Variants in TAF1D observed in about 807,000 individuals in gnomAD.
The protein encoded by TAF1D is TATA-box binding protein associated factor, RNA polymerase I subunit D, also known as TATA box-binding protein-associated factor RNA polymerase I subunit D.
A neutral mutation model predicts 26.2 loss-of-function variants in TAF1D; 23 were observed. The observed-to-expected ratio is 0.88, with a 90% CI of 0.63 to 1.25. The LOEUF (loss-of-function observed/expected upper bound fraction) is 1.25. Among genes scored for constraint, TAF1D ranks in the 50% most tolerant of loss-of-function variants. The probability of loss-of-function intolerance (pLI) is 0.00; values close to 1 mark genes in which losing one functional copy is unlikely to be tolerated. For missense variants in TAF1D, 299 were observed against 322.0 expected (o/e 0.93, Z 0.55); for synonymous variants, 100 against 105.6 (o/e 0.95, Z 0.33).
At chr11:93,737,977 A>C in intron 3 of TAF1D, 132 bp downstream of exon 3, 1 of 968,892 alleles carries the variant, frequency 1.0e-6, no homozygotes, top group Non-Finnish European at 1.4e-6. Flanking sequence ...TTTAGGGGTA[A>C]GTCAGTATAG....
rs758330460 is a variant in TAF1D, at chr11:93,738,453, A to T, written c.115T>A (p.Tyr39Asn). The T allele has an allele frequency of 6.2e-7, 1 of 1,602,388 alleles. No individual in the cohort carries two copies. The highest frequency in any genetic ancestry group is 8.5e-7 in the Non-Finnish European group (1 of 1,176,852). Residue 39 changes from tyrosine (Y) to asparagine (N), a missense_variant, in exon 3 of 6, where the codon TAC becomes AAC. Transcript: ENST00000448108. The stretch of plus-strand genomic sequence containing the variant: ...TTTCTTTTCTCCCCTTTAGGTGAGT[A>T]AGGGATACACTGAGTTTTAAATAAG... The part of the protein sequence containing the change: ...SSLFKTQCIP[Y>N]SPKGEKRNPI...
downstream of TAF1D, chr11:93,735,210 C>T (rs529962302): frequency 6.7e-6 from 9 of 1,351,564 alleles, no homozygotes; most frequent in Admixed American, 1.9e-5. Context: ...TCTTTGTCCA[C>T]GTTAAACAAA....
chr11:93,738,628 A>G, intron 2 of TAF1D, 129 bp from the exon 3 acceptor site: 1 of 931,962 alleles, frequency 1.1e-6, no homozygotes, highest in South Asian at 2.0e-5. Context: ...AAAATTTTTT[A>G]AAGGATGGGC....
At chr11:93,731,785 A>ATTTAT (rs1555015118), downstream of TAF1D, 2 of 350,452 alleles carry the variant, frequency 5.7e-6, no homozygotes, top group African/African-American at 4.3e-5. Context: ...TCTTCAACCA[A>ATTTAT]TTTACTTTAG....
Position 93,740,691 on chromosome 11 carries a change from T to C in TAF1D, c.-28+631A>G, listed in dbSNP as rs115268268. Among the ~76,000 whole-genome samples, 762 of 152,192 alleles carry C rather than the reference T, an allele frequency of 5.0e-3. 10 individuals carry two copies. Among genetic ancestry groups the C allele is most frequent in the African/African-American group, 0.017 (702 of 41,494 alleles). On this transcript the variant is annotated intron_variant, in intron 1 of 5. Coordinates refer to ENST00000448108, the MANE Select transcript of TAF1D (RefSeq NM_024116.4). ...TTTTCCTGGTACAAGGTCTTACTAGTTTTTTTAAGTACAAGATTCTACAAA... is the reference window on the plus strand; with the variant it reads ...TTTTCCTGGTACAAGGTCTTACTAGCTTTTTTAAGTACAAGATTCTACAAA...
At chr11:93,734,890 AG>A (rs1239787221), downstream of TAF1D, 204 of 779,200 alleles carry the variant, frequency 2.6e-4, no homozygotes, top group Admixed American at 1.4e-3. Flanking sequence ...CCCCTTTCTG[AG>A]TAACTCCAAC....
intron 1 of TAF1D, among the ~76,000 whole-genome samples, chr11:93,740,743 C>A (rs1328770888): frequency 6.6e-6 from 1 of 152,088 alleles, no homozygotes; most frequent in Non-Finnish European, 1.5e-5. Context: ...TGCTCAAAAA[C>A]GGAATTCAAC....
chr11:93,730,348 T>C (rs1938286248), exon 12 of TAF1D: 1 of 1,073,716 alleles, frequency 9.3e-7, no homozygotes, highest in Non-Finnish European at 1.4e-6. Flanking sequence ...AATAAATTGT[T>C]ATTCGAGGAA....
downstream of TAF1D, chr11:93,730,610 G>A (rs1400188059): frequency 1.7e-6 from 1 of 575,874 alleles, no homozygotes. Flanking sequence ...AAGAGCTCTG[G>A]GTTTCACAGC....
chr11:93,738,594 A>G (rs1941219310), intron 2 of TAF1D, 95 bp from the exon 3 acceptor site: 8 of 1,283,892 alleles, frequency 6.2e-6, no homozygotes, highest in Non-Finnish European at 7.3e-6. Context: ...TCCAAGACCA[A>G]CTCAGAAAAC....
exon 12 of TAF1D, chr11:93,730,350 T>C (rs1253754959): frequency 1.9e-6 from 2 of 1,048,094 alleles, no homozygotes; most frequent in Non-Finnish European, 2.9e-6. Context: ...TAAATTGTTA[T>C]TCGAGGAATT....
Position 93,737,189 on chromosome 11 carries a change from T to C in TAF1D, c.510A>G (p.Glu170=), listed in dbSNP as rs1296308271. 7 of 1,610,134 alleles carry C rather than the reference T, an allele frequency of 4.3e-6. No individual in the cohort carries two copies. The highest frequency in any genetic ancestry group is 5.9e-6 in the Non-Finnish European group (7 of 1,178,518). ...GCTTCAATGATTCTTTCAGGTGGTG[T>C]TCATACTTCAGTTTTTCAATATAGT... ...FFNYIEKLKY[E]HHLKESLKQM... is the part of the protein sequence containing the mutation. The change falls in exon 4 of 6, where the codon GAA becomes GAG. Residue 170 remains glutamate, a synonymous_variant. Coordinates refer to ENST00000448108, the MANE Select transcript of TAF1D (RefSeq NM_024116.4).
chr11:93,734,649 C>G, downstream of TAF1D: 2 of 1,051,976 alleles, frequency 1.9e-6, no homozygotes, highest in South Asian at 2.6e-5. Flanking sequence ...ACCATGTTCT[C>G]AAGATAAAAG....
chr11:93,740,593 A>G (rs1205246838), intron 1 of TAF1D, among the ~76,000 whole-genome samples: 1 of 152,174 alleles, frequency 6.6e-6, no homozygotes, highest in East Asian at 1.9e-4. Context: ...CCTAGGATGA[A>G]CTAGCAAAAT....
chr11:93,737,208 AT>A lies in TAF1D; in HGVS notation c.490del (p.Ile164LeufsTer4). 1 of 1,605,854 alleles carries A rather than the reference AT, an allele frequency of 6.2e-7. No homozygotes were observed. Among genetic ancestry groups the A allele is most frequent in the Non-Finnish European group, 8.5e-7 (1 of 1,177,056 alleles). On this transcript the variant is annotated frameshift_variant, in exon 4 of 6. Transcript: ENST00000448108. LOFTEE classifies it high-confidence loss of function. Reference protein sequence around the residue: ...QAVARGFFNYIEKLKYEHHLK... With the variant: ...QAVARGFFNYXEKLKYEHHLK... ...GTGGTGTTCATACTTCAGTTTTTCA[AT>A]ATAGTTAAAAAATCCTCTTGCAACA...
chr11:93,739,547 C>T lies in TAF1D; in HGVS notation c.-27-216G>A, dbSNP rs187715535. Among the ~76,000 whole-genome samples, 282 of 152,252 alleles carry T rather than the reference C, an allele frequency of 1.9e-3. 1 individual carries two copies. Among genetic ancestry groups the T allele is most frequent in the Non-Finnish European group, 3.3e-3 (226 of 68,026 alleles). ...GTTGTTACCCTCTAAATGTATTCAA[C>T]GCAACAAGATTCCAAAAAAGTACCG... On this transcript the variant is annotated intron_variant, in intron 1 of 5. Transcript: ENST00000448108.
At chr11:93,735,381 GGTAGTTAAAA>G, downstream of TAF1D, 1 of 1,037,064 alleles carries the variant, frequency 9.6e-7, no homozygotes, top group African/African-American at 1.7e-5. Flanking sequence ...AAGTGAAAAT[GGTAGTTAAAA>G]GTAGTATTAG....
chr11:93,732,931 G>A (rs995587093), downstream of TAF1D: 7 of 268,602 alleles, frequency 2.6e-5, no homozygotes, highest in Non-Finnish European at 4.4e-5. Context: ...TAGACATGCA[G>A]TCTCTTCATT....
downstream of TAF1D, chr11:93,734,765 C>T (rs1004593883): frequency 1.6e-6 from 2 of 1,278,548 alleles, no homozygotes; most frequent in African/African-American, 1.5e-5. Flanking sequence ...ATCTATTCTA[C>T]AGGCCTGGAA....
Sources: allele counts gnomAD v4.1 joint callset (sites outside exome capture counted in the v4.1 genomes callset), GRCh38; gene constraint gnomAD v4.1.1; transcripts MANE v1.5; gene names NCBI Gene and HGNC (gene_info 2026-07-23, HGNC 2026-07-21).